The following FERMT2 variants were observed in gnomAD, a reference collection of about 807,000 sequenced individuals.
The protein encoded by FERMT2 is fermitin family homolog 2.
In FERMT2, 15 loss-of-function variants were observed where a neutral mutation model predicts 82.7. The observed-to-expected ratio is 0.18, with a 90% CI of 0.12 to 0.28. The LOEUF is 0.28. Among genes scored for constraint, FERMT2 ranks in the 10% least tolerant of loss-of-function variants. The pLI is 1.00. For missense variants in FERMT2, 645 were observed against 809.4 expected (o/e 0.80, Z 2.46); for synonymous variants, 274 against 271.5 (o/e 1.01, Z -0.09).
chr14:52,896,179 T>A (rs984392952), intron 3 of FERMT2, among the ~76,000 whole-genome samples: 10 of 152,236 alleles, frequency 6.6e-5, no homozygotes, highest in African/African-American at 1.4e-4. Flanking sequence ...ATGTGGTTCA[T>A]CGTTGACCAA....
intron 6 of FERMT2, among the ~76,000 whole-genome samples, chr14:52,879,134 T>C (rs1886148289): frequency 6.6e-6 from 1 of 152,200 alleles, no homozygotes; most frequent in African/African-American, 2.4e-5. Context: ...AACATTTTGT[T>C]CACTGTGGAG....
chr14:52,889,945 A>G (rs1886839693), intron 4 of FERMT2, among the ~76,000 whole-genome samples: 1 of 152,002 alleles, frequency 6.6e-6, no homozygotes, highest in South Asian at 2.1e-4. Context: ...TCTGGCCAAC[A>G]TGGTGAAACC....
intron 4 of FERMT2, among the ~76,000 whole-genome samples, chr14:52,882,009 TAAGTAA>T (rs1270919805): frequency 6.6e-6 from 1 of 152,190 alleles, no homozygotes; most frequent in Admixed American, 6.5e-5. Context: ...AGCTACAACC[TAAGTAA>T]AACGGTTTTT....
chr14:52,866,139 A>C (rs1467501059), intron 10 of FERMT2, among the ~76,000 whole-genome samples: 1 of 152,178 alleles, frequency 6.6e-6, no homozygotes, highest in Non-Finnish European at 1.5e-5. Flanking sequence ...AAAACAAGAA[A>C]ACTAAACAGG....
chr14:52,915,043 AAAAT>A (rs1291253646), intron 3 of FERMT2, among the ~76,000 whole-genome samples: 1 of 152,224 alleles, frequency 6.6e-6, no homozygotes. Context: ...TATAAGAAAA[AAAAT>A]AAACAGCATT....
chr14:52,863,529 G>A (rs1033557642), intron 12 of FERMT2: 1 of 152,074 alleles, frequency 6.6e-6, no homozygotes, highest in Non-Finnish European at 1.5e-5. Flanking sequence ...CCCTGTAAAG[G>A]ACTTTTTATG....
At chr14:52,927,592 TAAAAA>T (rs71125150) in intron 2 of FERMT2, among the ~76,000 whole-genome samples, 1,451 of 33,794 alleles carry the variant, frequency 0.043, 38 homozygotes, top group Admixed American at 0.22. Flanking sequence ...CTCATCCCTA[TAAAAA>T]AAAAAAAAAA....
intron 2 of FERMT2, 106 bp from the exon 3 acceptor site, chr14:52,919,462 C>T (rs74326719): frequency 3.9e-5 from 18 of 462,620 alleles, no homozygotes; most frequent in Non-Finnish European, 5.6e-5. Context: ...CAATAATTAA[C>T]TACTAAGTTA....
chr14:52,894,046 T>G (rs1236451293), intron 3 of FERMT2, among the ~76,000 whole-genome samples: 1 of 152,192 alleles, frequency 6.6e-6, no homozygotes. Context: ...CAGGCTGGTC[T>G]TGAACTCCTG....
intron 2 of FERMT2, among the ~76,000 whole-genome samples, chr14:52,945,199 C>T (rs1326385462): frequency 1.3e-5 from 2 of 152,038 alleles, no homozygotes; most frequent in African/African-American, 2.4e-5. Context: ...GCGTAAGTTA[C>T]CGCACCCAGC....
intron 7 of FERMT2, among the ~76,000 whole-genome samples, chr14:52,876,378 T>A (rs1885957869): frequency 6.6e-6 from 1 of 152,162 alleles, no homozygotes; most frequent in Non-Finnish European, 1.5e-5. Context: ...TCAGAGTATA[T>A]TAAGAGTCTG....
chr14:52,919,979 T>C (rs1386638062), intron 2 of FERMT2, among the ~76,000 whole-genome samples: 1 of 152,228 alleles, frequency 6.6e-6, no homozygotes, highest in Non-Finnish European at 1.5e-5. Context: ...AAAATGGATC[T>C]AAAGTCACAC....
chr14:52,918,044 A>T (rs1217561953), intron 3 of FERMT2, among the ~76,000 whole-genome samples: 1 of 152,248 alleles, frequency 6.6e-6, no homozygotes, highest in Non-Finnish European at 1.5e-5. Context: ...AGCAATATTT[A>T]AAACATTTGA....
intron 3 of FERMT2, among the ~76,000 whole-genome samples, chr14:52,910,879 G>A (rs186770697): frequency 1.1e-4 from 16 of 152,126 alleles, no homozygotes; most frequent in Admixed American, 2.0e-4. Flanking sequence ...TCTACTGCTC[G>A]TACAGTAAGT....
chr14:52,864,252 A>G, intron 12 of FERMT2, 149 bp downstream of exon 12: 1 of 608,246 alleles, frequency 1.6e-6, no homozygotes. Flanking sequence ...AGAGGTTCAG[A>G]TTAGGGATAC....
At chr14:52,917,106 A>G (rs930522242) in intron 3 of FERMT2, among the ~76,000 whole-genome samples, 7 of 152,194 alleles carry the variant, frequency 4.6e-5, no homozygotes, top group African/African-American at 1.2e-4. Context: ...ATTTGACAGT[A>G]CTCTGAAATG....
intron 3 of FERMT2, among the ~76,000 whole-genome samples, chr14:52,913,938 T>C (rs1196004226): frequency 6.6e-6 from 1 of 152,108 alleles, no homozygotes; most frequent in Non-Finnish European, 1.5e-5. Context: ...TCCAGATTCT[T>C]GTCTCAGAGA....
chr14:52,890,176 T>C (rs1211515727), intron 4 of FERMT2, among the ~76,000 whole-genome samples: 1 of 150,914 alleles, frequency 6.6e-6, no homozygotes, highest in Non-Finnish European at 1.5e-5. Flanking sequence ...CTCACGCCTG[T>C]AATCCCAGCA....
intron 2 of FERMT2, among the ~76,000 whole-genome samples, chr14:52,934,475 A>T (rs987651963): frequency 6.6e-6 from 1 of 152,168 alleles, no homozygotes; most frequent in Non-Finnish European, 1.5e-5. Context: ...AAGCTGTCAC[A>T]CTCCTTCCTA....
Sources: allele counts gnomAD v4.1 joint callset (sites outside exome capture counted in the v4.1 genomes callset), GRCh38; gene constraint gnomAD v4.1.1; transcripts MANE v1.5; gene names NCBI Gene and HGNC (gene_info 2026-07-23, HGNC 2026-07-21).